Variants in ADGRA1 observed in about 807,000 individuals in gnomAD.
The protein encoded by ADGRA1 is adhesion G protein-coupled receptor A1.
ADGRA1 carries 12 observed loss-of-function variants against 21.3 expected under a neutral mutation model. The ratio of observed to expected loss-of-function variants is 0.56; its 90% CI spans 0.36 to 0.91. The LOEUF is 0.91. Among genes scored for constraint, ADGRA1 ranks in the 40% least tolerant of loss-of-function variants. ADGRA1 has a pLI of 0.01. For synonymous variants in ADGRA1, 385 were observed against 368.8 expected (o/e 1.04, Z -0.50); for missense variants, 790 against 805.6 (o/e 0.98, Z 0.23).
In ADGRA1 at chr10:133,129,491, A is replaced by G. The variant is rs1852468011; in HGVS notation, c.1663A>G (p.Lys555Glu). Residue 555 changes from lysine (K) to glutamate (E), a missense_variant, in exon 7 of 7, where the codon AAA becomes GAA. By Grantham distance (56) the Lys-to-Glu change is moderately conservative. This residue lies in a region of ADGRA1 where 391 missense variants were observed against 351.5 expected (regional missense o/e 1.11). Coordinates refer to ENST00000392607, the MANE Select transcript of ADGRA1 (RefSeq NM_001083909.3). The part of the protein sequence containing the change: ...GTGNIRTGPW[K>E]NETTV ...CGGCAACATCCGAACGGGACCCTGG[A>G]AAAACGAAACTACTGTGTAGATGGG... 1.3e-6 allele frequency: 2 copies of G among 1,596,516 alleles called. No homozygotes were observed. The highest frequency in any genetic ancestry group is 1.7e-6 in the Non-Finnish European group (2 of 1,178,472).
chr10:133,106,345 C>G lies in ADGRA1; in HGVS notation c.401+3503C>G, dbSNP rs1222393706. Reference sequence around the variant, plus strand: ...CCAGCAGCATCCGGTGAGGCCCCTGCTGACCGAATGAGTCACACGCAGGCT... The same window carrying G: ...CCAGCAGCATCCGGTGAGGCCCCTGGTGACCGAATGAGTCACACGCAGGCT... On this transcript the variant is annotated intron_variant, in intron 5 of 6. Transcript: ENST00000392607. Among the ~76,000 whole-genome samples, 3 of 152,246 alleles carry G rather than the reference C, an allele frequency of 2.0e-5. No individual in the cohort carries two copies. In the East Asian group the frequency reaches 5.8e-4, roughly 29 times the overall value.
intron 6 of ADGRA1, 42 bp downstream of exon 6, chr10:133,127,373 G>A: frequency 6.8e-7 from 1 of 1,467,332 alleles, no homozygotes; most frequent in South Asian, 1.2e-5. Flanking sequence ...GGAGCAGCGG[G>A]TGGGCTCTGC....
chr10:133,093,483 C>T (rs1349379026), intron 2 of ADGRA1, among the ~76,000 whole-genome samples: 2 of 152,232 alleles, frequency 1.3e-5, no homozygotes, highest in African/African-American at 2.4e-5. Flanking sequence ...CGGGCTCACA[C>T]GCTGGCGGGA....
chr10:133,098,470 AC>A (rs1412818674), intron 3 of ADGRA1, among the ~76,000 whole-genome samples, 169 bp from the exon 4 acceptor site: 4 of 152,098 alleles, frequency 2.6e-5, no homozygotes, highest in Admixed American at 6.5e-5. Flanking sequence ...CTCAGGGCAG[AC>A]TCGGACGACC....
At position 133,130,943 on chromosome 10, in the gene ADGRA1, G is replaced by A. The variant is rs1394324397; in HGVS notation, c.*1432G>A. ...CTGCTGTGCACATGTGCACACACACGTAGTAGTGTGTTTTCCAGCCACCCA... is the reference window on the plus strand; with the variant it reads ...CTGCTGTGCACATGTGCACACACACATAGTAGTGTGTTTTCCAGCCACCCA... On this transcript the variant is annotated 3_prime_UTR_variant, in exon 7 of 7. Coordinates refer to ENST00000392607, the MANE Select transcript of ADGRA1 (RefSeq NM_001083909.3). 9 of 152,206 alleles carry A rather than the reference G, an allele frequency of 5.9e-5. No homozygotes were observed. The highest frequency in any genetic ancestry group is 1.7e-4 in the African/African-American group (7 of 41,446). 9.4% of individuals were successfully genotyped at this position (152,206 alleles called of 1,614,324 possible).
intron 5 of ADGRA1, among the ~76,000 whole-genome samples, chr10:133,124,913 G>A (rs142016505): frequency 0.021 from 3,271 of 152,328 alleles, 103 homozygotes; most frequent in African/African-American, 0.071. Context: ...AAAAGCGGCG[G>A]CCTCCCGCGC....
intron 5 of ADGRA1, among the ~76,000 whole-genome samples, chr10:133,124,909 G>A (rs911849807): frequency 7.2e-5 from 11 of 152,208 alleles, no homozygotes; most frequent in Non-Finnish European, 8.8e-5. Context: ...CGAGAAAAGC[G>A]GCGGCCTCCC....
At chr10:133,096,164 C>T (rs1226596159) in intron 2 of ADGRA1, among the ~76,000 whole-genome samples, 2 of 152,220 alleles carry the variant, frequency 1.3e-5, no homozygotes, top group African/African-American at 4.8e-5. Flanking sequence ...CAGGCTGGTG[C>T]CCCGAGGCCC....
intron 4 of ADGRA1, among the ~76,000 whole-genome samples, chr10:133,100,565 AG>A (rs1363082402): frequency 6.6e-6 from 1 of 152,238 alleles, no homozygotes; most frequent in Admixed American, 6.5e-5. Context: ...TGCAGCAGGC[AG>A]GTCTGGAAGG....
chr10:133,095,487 C>T (rs531877777), intron 2 of ADGRA1, among the ~76,000 whole-genome samples: 5 of 152,356 alleles, frequency 3.3e-5, no homozygotes, highest in East Asian at 3.9e-4. Flanking sequence ...GGCCCCACAG[C>T]GACGCCCGCT....
rs372854864 is a variant in ADGRA1, at chr10:133,099,422, C to T, written c.255+659C>T. Among the ~76,000 whole-genome samples the T allele has an allele frequency of 2.8e-4, 42 of 152,298 alleles. 1 individual carries two copies. The South Asian group carries it at 4.4e-3, about 16-fold the overall frequency. The stretch of plus-strand genomic sequence containing the variant: ...TCCTTTGCACAGACCCCCCAACCCC[C>T]GGAAGCCAAACAGAAATGTCACTCG... On this transcript the variant is annotated intron_variant, in intron 4 of 6. Coordinates refer to ENST00000392607, the MANE Select transcript of ADGRA1 (RefSeq NM_001083909.3).
chr10:133,088,101 C>A lies in ADGRA1; in HGVS notation c.-240C>A, dbSNP rs1851532327. 3 of 985,126 alleles carry A rather than the reference C, an allele frequency of 3.0e-6. No individual in the cohort carries two copies. The highest frequency in any genetic ancestry group is 3.6e-6 in the Non-Finnish European group (3 of 829,810). 61.0% of individuals were successfully genotyped at this position (985,126 alleles called of 1,614,324 possible). ...CGCAGCGCGTCTGTCTCCGGGAGCG[C>A]GGCCCGGCCGCCCCGGCAGCCGCTT... On this transcript the variant is annotated 5_prime_UTR_variant, in exon 1 of 7. Transcript: ENST00000392607.
chr10:133,094,824 C>G (rs552962318), intron 2 of ADGRA1, among the ~76,000 whole-genome samples: 1 of 152,198 alleles, frequency 6.6e-6, no homozygotes, highest in Non-Finnish European at 1.5e-5. Flanking sequence ...GGGCGTCGCT[C>G]ACGCCCTGTT....
intron 2 of ADGRA1, among the ~76,000 whole-genome samples, chr10:133,092,751 G>GGGA (rs1564842382): frequency 5.2e-5 from 4 of 77,588 alleles, no homozygotes; most frequent in African/African-American, 1.9e-4. Context: ...AATAGGGAGG[G>GGGA]AGGAAGGAAG....
intron 5 of ADGRA1, among the ~76,000 whole-genome samples, chr10:133,106,808 T>A (rs1053363098): frequency 2.0e-5 from 3 of 152,372 alleles, no homozygotes; most frequent in African/African-American, 2.4e-5. Flanking sequence ...GTCATGTCTC[T>A]GCACACAGTC....
rs776369541 is a variant in ADGRA1, at chr10:133,128,681, A to G, written c.853A>G (p.Met285Val). The G allele has an allele frequency of 1.3e-5, 21 of 1,611,420 alleles. 1 individual carries two copies. The South Asian group carries it at 2.2e-4, about 17-fold the overall frequency. Reference sequence around the variant, plus strand: ...GGTGTCACAGGGCCACTTCCTGGACATGGTCTTCAGCTGCCTGTACGGCGC... The same window carrying G: ...GGTGTCACAGGGCCACTTCCTGGACGTGGTCTTCAGCTGCCTGTACGGCGC... Reference protein sequence around the residue: ...LAVSQGHFLDMVFSCLYGAFC... With the variant: ...LAVSQGHFLDVVFSCLYGAFC... Residue 285 changes from methionine to valine, a missense_variant, in exon 7 of 7, where the codon ATG becomes GTG. By Grantham distance (21) the Met-to-Val change is conservative (BLOSUM62 1). Transcript: ENST00000392607.
At chr10:133,107,630 C>T (rs1001831052) in intron 5 of ADGRA1, among the ~76,000 whole-genome samples, 8 of 152,146 alleles carry the variant, frequency 5.3e-5, no homozygotes, top group South Asian at 2.1e-4. Flanking sequence ...TGGATGTTCA[C>T]AGCTATGAAT....
chr10:133,111,979 ACC>A (rs1455338422), intron 5 of ADGRA1, among the ~76,000 whole-genome samples: 1 of 83,710 alleles, frequency 1.2e-5, no homozygotes, highest in African/African-American at 5.0e-5. Flanking sequence ...CACCACAGGC[ACC>A]TCCCTCCTAA....
intron 6 of ADGRA1, among the ~76,000 whole-genome samples, chr10:133,127,749 T>G (rs1424692530): frequency 7.6e-6 from 1 of 131,440 alleles, no homozygotes; most frequent in Non-Finnish European, 1.6e-5. Context: ...CCCGCCCGTC[T>G]GCCCTCCGCC....
Sources: gnomAD v4.1 joint callset for allele counts (sites outside exome capture counted in the v4.1 genomes callset) on GRCh38, gnomAD v4.1.1 for gene constraint, gnomAD v4.1.1 regional missense constraint, MANE v1.5 for transcripts, NCBI Gene and HGNC (gene_info 2026-07-23, HGNC 2026-07-21) for gene names.